COA1: variants seen among roughly 807,000 people sequenced by gnomAD.
COA1 encodes cytochrome c oxidase assembly factor 1 homolog.
In COA1, 13 loss-of-function variants were observed where a neutral mutation model predicts 16.0. That is an observed-to-expected ratio of 0.81 (90% CI 0.53 to 1.29). COA1 has a LOEUF of 1.29. Ranked by LOEUF, COA1 falls within the 50% of genes most tolerant of loss-of-function variation. The probability of loss-of-function intolerance (pLI) is 0.00; values close to 1 mark genes in which losing one functional copy is unlikely to be tolerated. For missense variants in COA1, 179 were observed against 177.0 expected, an observed-to-expected ratio of 1.01 and a Z score of -0.06; for synonymous variants, 65 against 65.7, an observed-to-expected ratio of 0.99 and a Z score of 0.05.
At chr7:43,710,891 A>G (rs1336342017) in intron 1 of COA1, among the ~76,000 whole-genome samples, 1 of 152,334 alleles carries the variant, frequency 6.6e-6, no homozygotes, top group East Asian at 1.9e-4. Context: ...TACAAGTGAC[A>G]CTAAAACAAT....
chr7:43,665,608 T>C (rs1045970906), intron 1 of COA1: 3 of 152,176 alleles, frequency 2.0e-5, no homozygotes, highest in African/African-American at 7.2e-5. Flanking sequence ...GCTATAAAGA[T>C]ACCACCTGAG....
intron 6 of COA1, among the ~76,000 whole-genome samples, chr7:43,616,619 C>T (rs115657991): frequency 0.011 from 1,684 of 152,260 alleles, 28 homozygotes; most frequent in African/African-American, 0.037. Context: ...ACCGTCTGGC[C>T]GGGCGCGGTG....
chr7:43,680,283 CAAA>C (rs552891478), intron 1 of COA1, among the ~76,000 whole-genome samples: 6 of 72,992 alleles, frequency 8.2e-5, no homozygotes, highest in Non-Finnish European at 1.2e-4. Context: ...GACAGGGAGA[CAAA>C]AAAAAAAAAA....
intron 1 of COA1, among the ~76,000 whole-genome samples, chr7:43,699,300 A>G (rs1239018472): frequency 6.6e-6 from 1 of 152,206 alleles, no homozygotes; most frequent in Non-Finnish European, 1.5e-5. Context: ...ACTCCTTGAG[A>G]GGAGAAATTC....
intron 1 of COA1, among the ~76,000 whole-genome samples, chr7:43,700,336 T>A (rs936297375): frequency 2.2e-4 from 33 of 151,988 alleles, no homozygotes; most frequent in Admixed American, 2.2e-3. Flanking sequence ...GCTCTTTAAA[T>A]CTGTATATAC....
chr7:43,662,662 C>A (rs984717263), intron 1 of COA1, among the ~76,000 whole-genome samples: 1 of 152,218 alleles, frequency 6.6e-6, no homozygotes, highest in Non-Finnish European at 1.5e-5. Context: ...CTCACTAAAT[C>A]TTAAAATTTT....
intron 1 of COA1, among the ~76,000 whole-genome samples, chr7:43,668,763 G>T (rs754104087): frequency 1.3e-5 from 2 of 152,100 alleles, no homozygotes; most frequent in East Asian, 3.8e-4. Flanking sequence ...TAACCCTGAG[G>T]TTTCTTTGTT....
At chr7:43,661,788 A>G (rs2092459801) in intron 1 of COA1, among the ~76,000 whole-genome samples, 1 of 152,314 alleles carries the variant, frequency 6.6e-6, no homozygotes, top group South Asian at 2.1e-4. Context: ...CAAGGTCAAA[A>G]CCATTTTCAA....
intron 1 of COA1, among the ~76,000 whole-genome samples, chr7:43,685,782 T>C (rs1358752397): frequency 6.6e-6 from 1 of 152,238 alleles, no homozygotes; most frequent in South Asian, 2.1e-4. Flanking sequence ...AGAAGACTGA[T>C]GTTTTTTAAG....
At chr7:43,624,110 A>C (rs1198561255) in intron 6 of COA1, among the ~76,000 whole-genome samples, 2 of 152,206 alleles carry the variant, frequency 1.3e-5, no homozygotes, top group Non-Finnish European at 2.9e-5. Flanking sequence ...ATTTTGAGAA[A>C]ATGTGAACCA....
At chr7:43,633,848 C>T (rs28394343) in intron 6 of COA1, among the ~76,000 whole-genome samples, 23,023 of 151,932 alleles carry the variant, frequency 0.15, 2,351 homozygotes, top group Non-Finnish European at 0.22. Flanking sequence ...TCCCTCTCCT[C>T]TTTCTTAGAG....
intron 1 of COA1, among the ~76,000 whole-genome samples, chr7:43,671,395 T>C (rs1440396758): frequency 6.7e-6 from 1 of 148,876 alleles, no homozygotes; most frequent in Non-Finnish European, 1.5e-5. Flanking sequence ...GTATCTAGAA[T>C]ACATATAAAG....
intron 6 of COA1, among the ~76,000 whole-genome samples, chr7:43,621,959 A>G (rs181783579): frequency 2.6e-5 from 4 of 152,278 alleles, no homozygotes; most frequent in South Asian, 2.1e-4. Context: ...CTTGCCATCT[A>G]TGTGACCTTG....
At chr7:43,723,234 C>T (rs1392618982) in intron 1 of COA1, among the ~76,000 whole-genome samples, 1 of 152,146 alleles carries the variant, frequency 6.6e-6, no homozygotes, top group Non-Finnish European at 1.5e-5. Flanking sequence ...TTGGTTGAGC[C>T]ACACTGTTGT....
chr7:43,689,194 A>T (rs1262322949), intron 1 of COA1, among the ~76,000 whole-genome samples: 1 of 152,244 alleles, frequency 6.6e-6, no homozygotes, highest in African/African-American at 2.4e-5. Flanking sequence ...GAGCACAGAA[A>T]CTCAGGAACA....
At chr7:43,715,957 C>T (rs1172671240) in intron 1 of COA1, among the ~76,000 whole-genome samples, 1 of 152,184 alleles carries the variant, frequency 6.6e-6, no homozygotes, top group Non-Finnish European at 1.5e-5. Context: ...GCATCCTCCT[C>T]ATTCTCTCTT....
At chr7:43,693,567 C>T (rs1390083649) in intron 1 of COA1, among the ~76,000 whole-genome samples, 1 of 152,000 alleles carries the variant, frequency 6.6e-6, no homozygotes, top group East Asian at 1.9e-4. Flanking sequence ...TTTTCAATTC[C>T]CCTCCTCAAA....
chr7:43,693,969 C>A (rs1439902460), intron 1 of COA1, among the ~76,000 whole-genome samples: 1 of 151,902 alleles, frequency 6.6e-6, no homozygotes, highest in Non-Finnish European at 1.5e-5. Flanking sequence ...CTTACCTCTA[C>A]AGCTCCTCTG....
chr7:43,646,230 T>C (rs1263422739), intron 3 of COA1: 2 of 217,154 alleles, frequency 9.2e-6, no homozygotes, highest in Non-Finnish European at 2.0e-5. Flanking sequence ...GGAATAGGGA[T>C]ACAGGGAATA....
Sources: allele counts gnomAD v4.1 joint callset (sites outside exome capture counted in the v4.1 genomes callset), GRCh38; gene constraint gnomAD v4.1.1; transcripts MANE v1.5; gene names NCBI Gene and HGNC (gene_info 2026-07-23, HGNC 2026-07-21).